Variants in DMD observed in about 807,000 individuals in gnomAD.
DMD encodes the protein mutant dystrophin.
Under a neutral mutation model 330.1 loss-of-function variants are expected in DMD, and 63 were observed. That is an observed-to-expected ratio of 0.19 (90% CI 0.16 to 0.24). The LOEUF (loss-of-function observed/expected upper bound fraction) is 0.24. Among genes scored for constraint, DMD ranks in the 10% least tolerant of loss-of-function variants. The probability of loss-of-function intolerance (pLI) is 1.00; values close to 1 mark genes in which losing one functional copy is unlikely to be tolerated. For synonymous variants in DMD, 1,223 were observed against 959.8 expected (o/e 1.27, Z -5.07); for missense variants, 3,344 against 2,684.1 (o/e 1.25, Z -5.43).
intron 57 of DMD, among the ~76,000 whole-genome samples, chrX:31,484,333 T>C (rs936347758): frequency 2.7e-5 from 3 of 112,058 alleles, no homozygotes; most frequent in African/African-American, 9.7e-5. Flanking sequence ...CAGATATAGA[T>C]ATTTTCTCCC....
intron 55 of DMD, among the ~76,000 whole-genome samples, chrX:31,529,418 G>A (rs1271747769): frequency 9.1e-6 from 1 of 110,365 alleles, no homozygotes; most frequent in Non-Finnish European, 1.9e-5. Context: ...ATAAAATATA[G>A]TAAAGTAAAG....
intron 77 of DMD, among the ~76,000 whole-genome samples, chrX:31,131,065 C>T (rs1177623447): frequency 1.8e-5 from 2 of 111,541 alleles, no homozygotes; most frequent in African/African-American, 6.5e-5. Context: ...CAATCATGAA[C>T]TTTGTTTTTT....
At chrX:32,324,201 T>C (rs1302566842) in intron 41 of DMD, among the ~76,000 whole-genome samples, 1 of 111,744 alleles carries the variant, frequency 8.9e-6, no homozygotes, top group Non-Finnish European at 1.9e-5. Flanking sequence ...ATACCCTAAC[T>C]ATCCTGACTT....
chrX:33,068,781 C>T (rs2094701900), intron 1 of DMD, among the ~76,000 whole-genome samples: 1 of 112,315 alleles, frequency 8.9e-6, no homozygotes, highest in Non-Finnish European at 1.9e-5. Context: ...GAGAAAATAA[C>T]TCAAATATGG....
chrX:32,128,575 T>C lies in DMD; in HGVS notation c.6438+88341A>G, dbSNP rs936137615. Among the ~76,000 whole-genome samples, 6 of 112,017 alleles carry C rather than the reference T, an allele frequency of 5.4e-5. No individual in the cohort carries two copies. The Admixed American group carries it at 5.7e-4, about 11-fold the overall frequency. On this transcript the variant is annotated intron_variant, in intron 44 of 78. Transcript: ENST00000357033. ...GCGTTTTATGGTGACTTTTTCAAAA[T>C]AACTACATCATTCAAAACTATTGAG... is the stretch of plus-strand genomic sequence containing the variant.
chrX:33,044,123 C>T (rs962137472), intron 1 of DMD, among the ~76,000 whole-genome samples: 1 of 111,548 alleles, frequency 9.0e-6, no homozygotes, highest in Admixed American at 9.5e-5. Context: ...CATTTAATTT[C>T]ATATTTATGA....
chrX:31,777,286 CAATG>C (rs781443663), intron 50 of DMD, among the ~76,000 whole-genome samples: 21 of 111,193 alleles, frequency 1.9e-4, no homozygotes, highest in African/African-American at 6.2e-4. Context: ...TTGGAGCAGA[CAATG>C]AAAGATCAAA....
At chrX:32,592,373 AC>A (rs756338796) in intron 13 of DMD, among the ~76,000 whole-genome samples, 1 of 110,818 alleles carries the variant, frequency 9.0e-6, no homozygotes, top group Non-Finnish European at 1.9e-5. Context: ...AGACATTGGG[AC>A]TACCAGCCGC....
chrX:33,137,353 G>T (rs984712202), intron 1 of DMD, among the ~76,000 whole-genome samples: 1 of 111,690 alleles, frequency 9.0e-6, no homozygotes, highest in Non-Finnish European at 1.9e-5. Context: ...TTATAGTGGT[G>T]GGGGGAGGAT....
At chrX:31,751,064 A>C (rs370349185) in intron 51 of DMD, among the ~76,000 whole-genome samples, 1 of 108,292 alleles carries the variant, frequency 9.2e-6, no homozygotes, top group Admixed American at 1.0e-4. Flanking sequence ...GTAAATGGCC[A>C]TACTGCCCAA....
intron 19 of DMD, among the ~76,000 whole-genome samples, chrX:32,500,236 C>A (rs1260463964): frequency 1.8e-5 from 2 of 111,011 alleles, no homozygotes; most frequent in Non-Finnish European, 3.8e-5. Context: ...TCAACGACTG[C>A]CTTAATTTTG....
At chrX:32,426,332 C>A (rs929908496) in intron 29 of DMD, among the ~76,000 whole-genome samples, 1 of 111,916 alleles carries the variant, frequency 8.9e-6, no homozygotes, top group East Asian at 2.8e-4. Context: ...CATGAACACA[C>A]ATTTTTCACA....
At chrX:32,161,434 A>G (rs1398552083) in intron 44 of DMD, among the ~76,000 whole-genome samples, 3 of 111,434 alleles carry the variant, frequency 2.7e-5, no homozygotes, top group Non-Finnish European at 5.7e-5. Context: ...ATACCCACCA[A>G]CTAGGGGAGC....
chrX:31,273,962 T>C (rs2051879590), intron 62 of DMD, among the ~76,000 whole-genome samples: 1 of 112,335 alleles, frequency 8.9e-6, no homozygotes, highest in East Asian at 2.8e-4. Flanking sequence ...GGCTGGGGAA[T>C]GCTGTGTTCA....
intron 30 of DMD, among the ~76,000 whole-genome samples, chrX:32,394,916 C>CAAAACAAAAAAAAAAAAAAA (rs2098030291): frequency 5.9e-4 from 23 of 39,006 alleles, no homozygotes; most frequent in East Asian, 1.7e-3. Context: ...AACAAAAAAA[C>CAAAACAAAAAAAAAAAAAAA]AAAAAAAAAA....
intron 41 of DMD, among the ~76,000 whole-genome samples, chrX:32,324,131 T>C (rs1010319590): frequency 1.8e-5 from 2 of 110,964 alleles, no homozygotes; most frequent in Non-Finnish European, 3.8e-5. Flanking sequence ...TCAAAATACC[T>C]AGAAGAGAGG....
chrX:32,558,983 C>T (rs1334196735), intron 16 of DMD, among the ~76,000 whole-genome samples: 1 of 74,443 alleles, frequency 1.3e-5, no homozygotes, highest in Non-Finnish European at 2.2e-5. Context: ...CGAAGTCTCG[C>T]TCTGTCATCC....
At chrX:32,850,869 AAT>A (rs955283145) in intron 2 of DMD, among the ~76,000 whole-genome samples, 3 of 111,817 alleles carry the variant, frequency 2.7e-5, no homozygotes, top group Non-Finnish European at 3.8e-5. Context: ...CTAGGTACTG[AAT>A]CATATGCTAG....
chrX:32,212,818 T>C (rs2097097952), intron 44 of DMD, among the ~76,000 whole-genome samples: 1 of 111,859 alleles, frequency 8.9e-6, no homozygotes, highest in Admixed American at 9.5e-5. Flanking sequence ...AGGTTCTCCA[T>C]AGTGGCATGG....
Sources: gnomAD v4.1 joint callset for allele counts (sites outside exome capture counted in the v4.1 genomes callset) on GRCh38, gnomAD v4.1.1 for gene constraint, MANE v1.5 for transcripts, NCBI Gene and HGNC (gene_info 2026-07-23, HGNC 2026-07-21) for gene names.